The following UNC5C variants were observed in gnomAD, a reference collection of about 807,000 sequenced individuals.
The protein encoded by UNC5C is unc-5 netrin receptor C, also known as netrin receptor UNC5C.
In UNC5C, 47 loss-of-function variants were observed where a neutral mutation model predicts 99.8. The observed-to-expected ratio is 0.47, with a 90% CI of 0.37 to 0.60. UNC5C has a LOEUF of 0.60. Ranked by LOEUF, UNC5C falls within the 20% of genes least tolerant of loss-of-function variation. The pLI is 0.00. For synonymous variants in UNC5C, 487 were observed against 452.2 expected (o/e 1.08, Z -0.98); for missense variants, 1,062 against 1,165.9 (o/e 0.91, Z 1.30).
chr4:95,434,787 G>C (rs1211777224), intron 1 of UNC5C, among the ~76,000 whole-genome samples: 1 of 151,936 alleles, frequency 6.6e-6, no homozygotes, highest in Non-Finnish European at 1.5e-5. Flanking sequence ...TGAAGTTTCA[G>C]CTCAAAGAAC....
chr4:95,164,702 A>AT lies in UNC5C; in HGVS notation c.*4531dup, dbSNP rs1321098165. ...AAAAGCTCTTCCATTCTCAAAGAAGATGGATAAAGTCCCATTTCATTTCAG... is the reference window on the plus strand; with the variant it reads ...AAAAGCTCTTCCATTCTCAAAGAAGATTGGATAAAGTCCCATTTCATTTCAG... On this transcript the variant is annotated 3_prime_UTR_variant, in exon 16 of 16. Transcript: ENST00000453304. 6.6e-6 allele frequency: 1 copy of AT among 152,248 alleles called. No individual in the cohort carries two copies. Among genetic ancestry groups the AT allele is most frequent in the East Asian group, 1.9e-4 (1 of 5,198 alleles). 9.4% of individuals were successfully genotyped at this position (152,248 alleles called of 1,614,324 possible). A position where few individuals can be genotyped will look rare whatever the true frequency, so the allele number is the denominator to read the frequency against.
chr4:95,457,940 A>C (rs1432742787), intron 1 of UNC5C, among the ~76,000 whole-genome samples: 1 of 152,114 alleles, frequency 6.6e-6, no homozygotes, highest in African/African-American at 2.4e-5. Context: ...GAACTCTGCT[A>C]ACCCATTCTG....
At chr4:95,293,295 CTTTT>C (rs1175837199) in intron 3 of UNC5C, among the ~76,000 whole-genome samples, 297 of 56,862 alleles carry the variant, frequency 5.2e-3, no homozygotes, top group African/African-American at 0.02. Flanking sequence ...TAATAGTGAG[CTTTT>C]TTTTTTTTTT....
intron 1 of UNC5C, among the ~76,000 whole-genome samples, chr4:95,424,679 G>A (rs924181467): frequency 4.6e-5 from 7 of 150,680 alleles, no homozygotes; most frequent in Admixed American, 3.3e-4. Context: ...CCCCCACCAC[G>A]CCCAGCTAAT....
chr4:95,375,724 A>G (rs1744874016), intron 1 of UNC5C, among the ~76,000 whole-genome samples: 1 of 152,204 alleles, frequency 6.6e-6, no homozygotes, highest in Non-Finnish European at 1.5e-5. Context: ...GAATAAAATA[A>G]GCATGCTCAT....
chr4:95,448,703 A>AGAATTTT (rs1452316504), intron 1 of UNC5C, among the ~76,000 whole-genome samples: 15 of 152,216 alleles, frequency 9.9e-5, no homozygotes, highest in African/African-American at 3.6e-4. Flanking sequence ...CCAAGCCTGC[A>AGAATTTT]GAATTTTGAC....
intron 5 of UNC5C, among the ~76,000 whole-genome samples, chr4:95,249,579 T>C (rs1441404875): frequency 6.6e-6 from 1 of 152,180 alleles, no homozygotes; most frequent in African/African-American, 2.4e-5. Flanking sequence ...AGCTTAACTT[T>C]AGCTGGGGAG....
chr4:95,436,993 T>C (rs1746812907), intron 1 of UNC5C, among the ~76,000 whole-genome samples: 1 of 96,970 alleles, frequency 1.0e-5, no homozygotes, highest in Admixed American at 1.2e-4. Context: ...CCTTTTTCTT[T>C]CTTGAAAAAA....
At chr4:95,205,970 G>A (rs1278516827) in intron 11 of UNC5C, among the ~76,000 whole-genome samples, 1 of 151,132 alleles carries the variant, frequency 6.6e-6, no homozygotes, top group African/African-American at 2.4e-5. Context: ...CAATGTTTCT[G>A]ACCTGCAAAT....
chr4:95,443,293 G>C (rs530794046), intron 1 of UNC5C, among the ~76,000 whole-genome samples: 166 of 152,262 alleles, frequency 1.1e-3, no homozygotes, highest in Non-Finnish European at 1.8e-3. Flanking sequence ...TAGAGATCAG[G>C]GAGGGCCTCA....
intron 3 of UNC5C, among the ~76,000 whole-genome samples, chr4:95,299,268 GAC>G: frequency 6.6e-6 from 1 of 152,272 alleles, no homozygotes; most frequent in Non-Finnish European, 1.5e-5. Flanking sequence ...ACTATGTGAA[GAC>G]ACAGTGAGAA....
Position 95,169,462 on chromosome 4 carries a change from T to C in UNC5C, c.2631-63A>G, listed in dbSNP as rs563866306. The C allele has an allele frequency of 3.6e-5, 56 of 1,560,614 alleles. No homozygotes were observed. In the African/African-American group the frequency reaches 4.6e-4, roughly 13 times the overall value. ...ACTTACATATCTATTTTTCCTCAGC[T>C]AAACCTTTCTGTCTCTCTACTTGTC... On this transcript the variant is annotated intron_variant, in intron 15 of 15. Coordinates refer to ENST00000453304, the MANE Select transcript of UNC5C (RefSeq NM_003728.4).
Position 95,354,479 on chromosome 4 carries a change from A to ATATATATATATATATATAT in UNC5C, c.125-18849_125-18848insATATATATATATATATATA. Among the ~76,000 whole-genome samples, 101 of 110,326 alleles carry ATATATATATATATATATAT rather than the reference A, an allele frequency of 9.2e-4. 1 individual carries two copies. Among genetic ancestry groups the ATATATATATATATATATAT allele is most frequent in the Middle Eastern group, 4.5e-3 (1 of 222 alleles). 72.4% of individuals were successfully genotyped at this position (110,326 alleles called of 152,430 possible). A position where few individuals can be genotyped will look rare whatever the true frequency, so the allele number is the denominator to read the frequency against. On this transcript the variant is annotated intron_variant, in intron 1 of 15. Coordinates refer to ENST00000453304, the MANE Select transcript of UNC5C (RefSeq NM_003728.4). ...TTACCTAACTCTTCCATATATATAT[A>ATATATATATATATATATAT]TTTTTTTTTTTTTTTTAAGAGACAG... is the stretch of plus-strand genomic sequence containing the variant.
chr4:95,456,438 C>G (rs1463764885), intron 1 of UNC5C, among the ~76,000 whole-genome samples: 1 of 152,040 alleles, frequency 6.6e-6, no homozygotes, highest in Non-Finnish European at 1.5e-5. Context: ...TGTAATAATT[C>G]TGTACATTTT....
intron 2 of UNC5C, among the ~76,000 whole-genome samples, chr4:95,303,625 G>A (rs1046399762): frequency 3.3e-5 from 5 of 152,152 alleles, no homozygotes; most frequent in African/African-American, 1.2e-4. Flanking sequence ...GCAGTGAGCC[G>A]AGATCGCACC....
intron 3 of UNC5C, among the ~76,000 whole-genome samples, chr4:95,278,647 T>A (rs148306468): frequency 9.9e-5 from 15 of 151,996 alleles, no homozygotes; most frequent in East Asian, 9.7e-4. Flanking sequence ...GCTATTTTTT[T>A]AAAAAAATTT....
At chr4:95,342,500 T>C (rs370479109) in intron 1 of UNC5C, among the ~76,000 whole-genome samples, 1 of 152,032 alleles carries the variant, frequency 6.6e-6, no homozygotes, top group African/African-American at 2.4e-5. Flanking sequence ...CCCTGAATAA[T>C]CAGCAGCAAT....
chr4:95,218,311 C>T (rs537485941), intron 9 of UNC5C, among the ~76,000 whole-genome samples: 177 of 152,306 alleles, frequency 1.2e-3, no homozygotes, highest in Non-Finnish European at 2.0e-3. Context: ...CATTAACCTT[C>T]ATTCACCATG....
intron 4 of UNC5C, among the ~76,000 whole-genome samples, chr4:95,271,212 C>T (rs1363328027): frequency 1.3e-5 from 2 of 149,492 alleles, no homozygotes; most frequent in African/African-American, 4.9e-5. Flanking sequence ...TCGAACACAG[C>T]TGAGGTTTAT....
Sources: gnomAD v4.1 joint callset for allele counts (sites outside exome capture counted in the v4.1 genomes callset) on GRCh38, gnomAD v4.1.1 for gene constraint, MANE v1.5 for transcripts, NCBI Gene and HGNC (gene_info 2026-07-23, HGNC 2026-07-21) for gene names.